The following BCL2L1 variants were observed in gnomAD, a reference collection of about 807,000 sequenced individuals.
BCL2L1 encodes bcl-2-like protein 1.
BCL2L1 carries 1 observed loss-of-function variant against 18.7 expected under a neutral mutation model. That is an observed-to-expected ratio of 0.05 (90% CI 0.02 to 0.25). The LOEUF (loss-of-function observed/expected upper bound fraction) is 0.25, where lower values mean the gene tolerates loss of function less well. Among genes scored for constraint, BCL2L1 ranks in the 10% least tolerant of loss-of-function variants. The pLI is 1.00. For synonymous variants in BCL2L1, 103 were observed against 122.7 expected, an observed-to-expected ratio of 0.84 and a Z score of 1.06; for missense variants, 207 against 304.9, an observed-to-expected ratio of 0.68 and a Z score of 2.39.
chr20:31,681,213 T>C (rs1220872405), intron 2 of BCL2L1, among the ~76,000 whole-genome samples: 2 of 152,152 alleles, frequency 1.3e-5, no homozygotes, highest in South Asian at 4.1e-4. Flanking sequence ...GACCTGACCT[T>C]GGTGTTAAAT....
chr20:31,697,750 T>C lies in BCL2L1; in HGVS notation c.564+23905A>G, dbSNP rs370096274. Reference sequence around the variant, plus strand: ...CTGTGCCCGGCCTAACAGGTGACTTTACCTCTCAAAGTCTCAGTTTTCTTC... The same window carrying C: ...CTGTGCCCGGCCTAACAGGTGACTTCACCTCTCAAAGTCTCAGTTTTCTTC... On this transcript the variant is annotated intron_variant, in intron 2 of 2. Transcript: ENST00000307677. Among the ~76,000 whole-genome samples the C allele has an allele frequency of 1.7e-4, 26 of 151,806 alleles. 1 individual carries two copies. The highest frequency in any genetic ancestry group is 6.8e-3 in the Middle Eastern group (2 of 292).
chr20:31,690,162 C>T (rs1411362412), intron 2 of BCL2L1, among the ~76,000 whole-genome samples: 1 of 152,130 alleles, frequency 6.6e-6, no homozygotes, highest in Non-Finnish European at 1.5e-5. Context: ...TGACTCAGTG[C>T]AGCTTCAACC....
In BCL2L1 at chr20:31,665,661, T is replaced by A; in HGVS notation, c.*288A>T. ...GGGTTGCACCAATCAGGTAGGGCCCTCCTGCCCCCAGCCACAAACCCTTCC... is the reference window on the plus strand; with the variant it reads ...GGGTTGCACCAATCAGGTAGGGCCCACCTGCCCCCAGCCACAAACCCTTCC... On this transcript the variant is annotated 3_prime_UTR_variant, in exon 3 of 3. Coordinates refer to ENST00000307677, the MANE Select transcript of BCL2L1 (RefSeq NM_138578.3). The A allele has an allele frequency of 2.1e-6, 1 of 478,838 alleles. No individual in the cohort carries two copies. Among genetic ancestry groups the A allele is most frequent in the Non-Finnish European group, 3.7e-6 (1 of 266,890 alleles). The allele number at this position is 478,838 out of a possible 1,614,324, so 29.7% of individuals were successfully genotyped here. A position where few individuals can be genotyped will look rare whatever the true frequency, so the allele number is the denominator to read the frequency against.
chr20:31,666,090 C>T lies in BCL2L1; in HGVS notation c.565-4G>A. 1 of 1,613,868 alleles carries T rather than the reference C, an allele frequency of 6.2e-7. No individual in the cohort carries two copies. The highest frequency in any genetic ancestry group is 8.5e-7 in the Non-Finnish European group (1 of 1,179,902). On this transcript the variant is annotated splice_region_variant and splice_polypyrimidine_tract_variant and intron_variant, in intron 2 of 2. Coordinates refer to ENST00000307677, the MANE Select transcript of BCL2L1 (RefSeq NM_138578.3). ...CATAGAGTTCCACAAAAGTATCCTG[C>T]AGGGAGAGAGAAGGAAGGTGCAGTT...
intron 2 of BCL2L1, chr20:31,720,433 C>G (rs1223341459): frequency 3.0e-6 from 2 of 677,274 alleles, no homozygotes; most frequent in Non-Finnish European, 3.6e-6. Context: ...GGGGATAGAA[C>G]ATCTCTCATA....
chr20:31,695,695 C>T (rs1291786522), intron 2 of BCL2L1, among the ~76,000 whole-genome samples: 2 of 152,192 alleles, frequency 1.3e-5, no homozygotes, highest in Non-Finnish European at 2.9e-5. Context: ...GATCCTCCTG[C>T]CTTGGCCTCC....
chr20:31,723,842 G>T (rs1424154446), upstream of BCL2L1: 1 of 985,436 alleles, frequency 1.0e-6, no homozygotes, highest in Non-Finnish European at 1.2e-6. Context: ...ACCCGGGCCG[G>T]CCTACCTGGC....
At chr20:31,676,221 C>A (rs1294172552) in intron 2 of BCL2L1, among the ~76,000 whole-genome samples, 2 of 152,156 alleles carry the variant, frequency 1.3e-5, no homozygotes, top group Non-Finnish European at 2.9e-5. Context: ...GATAAAACAG[C>A]TGATGTTTAC....
In BCL2L1 at chr20:31,721,050, G is replaced by C. The variant is rs60086861; in HGVS notation, c.564+605C>G. On this transcript the variant is annotated intron_variant, in intron 2 of 2. Transcript: ENST00000307677. ...AGGGGGCGCAGTGCAAACACAATCTGCACAGCCTACACTGCCCCAAAATCT... is the reference window on the plus strand; with the variant it reads ...AGGGGGCGCAGTGCAAACACAATCTCCACAGCCTACACTGCCCCAAAATCT... 1.3e-3 allele frequency: 1,134 copies of C among 883,618 alleles called. 57 individuals are homozygous for C. The Admixed American group carries it at 0.06, about 47-fold the overall frequency. The allele number at this position is 883,618 out of a possible 1,614,324, so 54.7% of individuals were successfully genotyped here. A position where few individuals can be genotyped will look rare whatever the true frequency, so the allele number is the denominator to read the frequency against.
chr20:31,721,567 A>G (rs2061631312), intron 2 of BCL2L1, 88 bp downstream of exon 2: 2 of 1,451,020 alleles, frequency 1.4e-6, no homozygotes, highest in African/African-American at 2.8e-5. Flanking sequence ...ATCACCCAAC[A>G]CAACAGAAAG....
chr20:31,704,612 A>G (rs1032376014), intron 2 of BCL2L1, among the ~76,000 whole-genome samples: 1 of 152,146 alleles, frequency 6.6e-6, no homozygotes, highest in Non-Finnish European at 1.5e-5. Context: ...CTTGTTCTGC[A>G]GGAGATGGAG....
chr20:31,721,024 TA>T, intron 2 of BCL2L1: 1 of 969,504 alleles, frequency 1.0e-6, no homozygotes, highest in Non-Finnish European at 1.2e-6. Flanking sequence ...GAAATGAACT[TA>T]GGGGGCGCAG....
At chr20:31,667,489 G>GTGTGTGTGTGTGTGTC (rs2060606150) in intron 2 of BCL2L1, among the ~76,000 whole-genome samples, 1 of 150,100 alleles carries the variant, frequency 6.7e-6, no homozygotes, top group Non-Finnish European at 1.5e-5. Context: ...AGTACCGTGT[G>GTGTGTGTGTGTGTGTC]TGTGTGTGTG....
upstream of BCL2L1, chr20:31,723,277 C>T: frequency 2.0e-6 from 2 of 985,714 alleles, no homozygotes; most frequent in Non-Finnish European, 2.4e-6. Flanking sequence ...TCCTCCATTC[C>T]CCGCCCGGAC....
At chr20:31,721,608 T>C in intron 2 of BCL2L1, 47 bp downstream of exon 2, 9 of 1,536,094 alleles carry the variant, frequency 5.9e-6, no homozygotes, top group Non-Finnish European at 7.9e-6. Flanking sequence ...TGGGGATCTC[T>C]GACCAGAGGC....
intron 2 of BCL2L1, among the ~76,000 whole-genome samples, chr20:31,666,805 G>C (rs1265960568): frequency 1.3e-5 from 2 of 152,138 alleles, no homozygotes; most frequent in African/African-American, 4.8e-5. Context: ...CTCCACTGCA[G>C]GGGGTGTGAC....
chr20:31,690,806 A>G (rs2061053143), intron 2 of BCL2L1, among the ~76,000 whole-genome samples: 1 of 152,160 alleles, frequency 6.6e-6, no homozygotes, highest in Non-Finnish European at 1.5e-5. Flanking sequence ...AAAAAGGAAA[A>G]AAAGCCCCAA....
chr20:31,720,125 GA>G, intron 2 of BCL2L1: 1 of 985,258 alleles, frequency 1.0e-6, no homozygotes, highest in East Asian at 1.1e-4. Context: ...TACCTCCCCT[GA>G]CCCCACCCCA....
intron 2 of BCL2L1, among the ~76,000 whole-genome samples, chr20:31,707,330 A>G (rs2061382843): frequency 6.6e-6 from 1 of 152,222 alleles, no homozygotes; most frequent in Non-Finnish European, 1.5e-5. Context: ...TAGATCCAAT[A>G]GCAATGACAA....
Sources: gnomAD v4.1 joint callset for allele counts (sites outside exome capture counted in the v4.1 genomes callset) on GRCh38, gnomAD v4.1.1 for gene constraint, MANE v1.5 for transcripts, NCBI Gene and HGNC (gene_info 2026-07-23, HGNC 2026-07-21) for gene names.